The following AUTS2 variants were observed in gnomAD, a reference collection of about 807,000 sequenced individuals.
The protein encoded by AUTS2 is autism susceptibility gene 2 protein.
Under a neutral mutation model 112.4 loss-of-function variants are expected in AUTS2, and 17 were observed. The ratio of observed to expected loss-of-function variants is 0.15; its 90% CI spans 0.10 to 0.23. AUTS2 has a LOEUF of 0.23. Ranked by LOEUF, AUTS2 falls within the 10% of genes least tolerant of loss-of-function variation. AUTS2 has a pLI of 1.00. For missense variants in AUTS2, 1,510 were observed against 1,701.6 expected, an observed-to-expected ratio of 0.89 and a Z score of 1.98; for synonymous variants, 751 against 702.7, an observed-to-expected ratio of 1.07 and a Z score of -1.09.
At chr7:70,013,871 C>T (rs547556484) in intron 2 of AUTS2, among the ~76,000 whole-genome samples, 4 of 152,266 alleles carry the variant, frequency 2.6e-5, no homozygotes, top group Non-Finnish European at 4.4e-5. Context: ...GCACGTATCA[C>T]CACGCCCGGC....
intron 2 of AUTS2, among the ~76,000 whole-genome samples, chr7:69,922,410 T>C (rs1020143952): frequency 6.6e-6 from 1 of 152,240 alleles, no homozygotes; most frequent in Non-Finnish European, 1.5e-5. Flanking sequence ...GAGATTGACT[T>C]CACCAAAGCC....
At chr7:69,878,258 G>C (rs1793891671) in intron 1 of AUTS2, among the ~76,000 whole-genome samples, 1 of 152,126 alleles carries the variant, frequency 6.6e-6, no homozygotes, top group Non-Finnish European at 1.5e-5. Context: ...GTTTGTAGTA[G>C]GAGAACCCTA....
At chr7:70,588,268 C>T (rs1224572686) in intron 5 of AUTS2, among the ~76,000 whole-genome samples, 2 of 152,108 alleles carry the variant, frequency 1.3e-5, no homozygotes, top group African/African-American at 4.8e-5. Flanking sequence ...AGGACCTGGC[C>T]CATTAAATGA....
intron 4 of AUTS2, among the ~76,000 whole-genome samples, chr7:70,367,884 C>A (rs1245660757): frequency 6.6e-6 from 1 of 152,076 alleles, no homozygotes; most frequent in East Asian, 1.9e-4. Context: ...AGAGTAGAGA[C>A]TGGGTTAGAA....
chr7:70,069,740 A>T (rs1802669437), intron 2 of AUTS2, among the ~76,000 whole-genome samples: 2 of 144,100 alleles, frequency 1.4e-5, no homozygotes, highest in Admixed American at 7.0e-5. Context: ...GAGACACCTT[A>T]TTAATGACTT....
chr7:70,067,523 A>G (rs183806643), intron 2 of AUTS2, among the ~76,000 whole-genome samples: 1 of 152,318 alleles, frequency 6.6e-6, no homozygotes, highest in African/African-American at 2.4e-5. Context: ...TTCTTTGTCT[A>G]GGACATGCTG....
chr7:69,691,477 C>G (rs150979763), intron 1 of AUTS2, among the ~76,000 whole-genome samples: 1 of 152,104 alleles, frequency 6.6e-6, no homozygotes, highest in South Asian at 2.1e-4. Context: ...CAGAGGGGGC[C>G]GAGGTGGCAG....
intron 1 of AUTS2, among the ~76,000 whole-genome samples, chr7:69,663,460 G>A (rs1795894892): frequency 6.6e-6 from 1 of 152,124 alleles, no homozygotes; most frequent in South Asian, 2.1e-4. Flanking sequence ...ATATAATTAT[G>A]CTGGAGATCA....
At chr7:70,045,513 CT>C (rs1284413457) in intron 2 of AUTS2, among the ~76,000 whole-genome samples, 1 of 151,772 alleles carries the variant, frequency 6.6e-6, no homozygotes, top group Non-Finnish European at 1.5e-5. Flanking sequence ...TTTTACCTTG[CT>C]TTTACTTTTT....
chr7:70,101,078 A>G (rs10254871), intron 2 of AUTS2, among the ~76,000 whole-genome samples: 12,205 of 151,966 alleles, frequency 0.08, 630 homozygotes, highest in African/African-American at 0.13. Flanking sequence ...GGGTTTCACC[A>G]TGTTGGCCAG....
chr7:70,470,943 A>C (rs1269699288), intron 5 of AUTS2, among the ~76,000 whole-genome samples: 1 of 152,154 alleles, frequency 6.6e-6, no homozygotes, highest in East Asian at 1.9e-4. Context: ...ACGGGGAATC[A>C]TTCCCGGGGA....
intron 4 of AUTS2, among the ~76,000 whole-genome samples, chr7:70,397,366 C>A (rs1197353148): frequency 1.3e-5 from 2 of 152,052 alleles, no homozygotes; most frequent in African/African-American, 4.8e-5. Context: ...AGCCCAGCCT[C>A]ATTTTAGCCA....
At chr7:70,107,469 G>C (rs544927748) in intron 2 of AUTS2, among the ~76,000 whole-genome samples, 2 of 147,378 alleles carry the variant, frequency 1.4e-5, no homozygotes, top group Non-Finnish European at 3.0e-5. Flanking sequence ...TCAGCCTCCC[G>C]AGTAGCTGGG....
chr7:69,693,793 A>G (rs774100953), intron 1 of AUTS2, among the ~76,000 whole-genome samples: 5 of 152,218 alleles, frequency 3.3e-5, no homozygotes, highest in Non-Finnish European at 7.3e-5. Flanking sequence ...TTTGATTTCC[A>G]TGACATTGCT....
At chr7:70,227,314 T>TA (rs35985477) in intron 4 of AUTS2, among the ~76,000 whole-genome samples, 45,647 of 144,686 alleles carry the variant, frequency 0.32, 7,186 homozygotes, top group African/African-American at 0.39. Flanking sequence ...CTCATGCATT[T>TA]AAAAAAAAAA....
chr7:70,069,255 T>G (rs1802641139), intron 2 of AUTS2, among the ~76,000 whole-genome samples: 1 of 152,186 alleles, frequency 6.6e-6, no homozygotes, highest in Admixed American at 6.5e-5. Context: ...CATTGTGGTG[T>G]TTGTGATCAG....
At chr7:69,883,151 G>A (rs1280388546) in intron 1 of AUTS2, among the ~76,000 whole-genome samples, 2 of 152,146 alleles carry the variant, frequency 1.3e-5, no homozygotes, top group African/African-American at 2.4e-5. Context: ...ATAAAGAGTA[G>A]GGATAGCAGT....
At position 70,790,490 on chromosome 7, in the gene AUTS2, A is replaced by G; in HGVS notation, c.3274A>G (p.Arg1092Gly). 3 of 1,612,632 alleles carry G rather than the reference A, an allele frequency of 1.9e-6. No homozygotes were observed. The highest frequency in any genetic ancestry group is 1.7e-6 in the Non-Finnish European group (2 of 1,179,568). The change falls in exon 19 of 19, where the codon AGG becomes GGG. Residue 1092 changes from arginine to glycine, a missense_variant. By Grantham distance (125) the Arg-to-Gly change is moderately radical (BLOSUM62 -2). Around this residue, in one of 3 missense-constraint regions of AUTS2, gnomAD observed 788 missense variants for 797.6 expected, o/e 0.99. Coordinates refer to ENST00000342771, the MANE Select transcript of AUTS2 (RefSeq NM_015570.4). The surrounding 1 kb of genome is among the most constrained non-coding windows in gnomAD (Gnocchi z 7.6). Reference sequence around the variant, plus strand: ...CATTCACCGGAGAGACCCGCTGGGCAGGGACTTCCTGCTAAGGAACGACCC... The same window carrying G: ...CATTCACCGGAGAGACCCGCTGGGCGGGGACTTCCTGCTAAGGAACGACCC... ...LDIHRRDPLGRDFLLRNDPLH... is the reference protein window; with the variant it reads ...LDIHRRDPLGGDFLLRNDPLH...
intron 1 of AUTS2, among the ~76,000 whole-genome samples, chr7:69,688,439 C>A (rs1797156070): frequency 6.6e-6 from 1 of 152,210 alleles, no homozygotes; most frequent in African/African-American, 2.4e-5. Flanking sequence ...ACAGGCTGTG[C>A]ATAACAATAT....
Sources: allele counts gnomAD v4.1 joint callset (sites outside exome capture counted in the v4.1 genomes callset), GRCh38; gene constraint gnomAD v4.1.1; regional missense constraint gnomAD v4.1.1; non-coding constraint Gnocchi (gnomAD v3.1); transcripts MANE v1.5; gene names NCBI Gene and HGNC (gene_info 2026-07-23, HGNC 2026-07-21).